Variants in RYR3 observed in about 807,000 individuals in gnomAD.
RYR3 encodes the protein ryanodine receptor 3.
In RYR3, 207 loss-of-function variants were observed where a neutral mutation model predicts 584.3. The ratio of observed to expected loss-of-function variants is 0.35; its 90% CI spans 0.32 to 0.40. The LOEUF (loss-of-function observed/expected upper bound fraction) is 0.40, where lower values mean the gene tolerates loss of function less well. RYR3 is among the 10% of genes least tolerant of loss of function. The pLI, the probability that RYR3 is intolerant of heterozygous loss-of-function variation, is 1.00. For synonymous variants in RYR3, 2,416 were observed against 2,248.5 expected (o/e 1.07, Z -2.11); for missense variants, 5,616 against 6,089.2 (o/e 0.92, Z 2.59).
In RYR3 at chr15:33,757,861, G is replaced by A. The variant is rs183630785; in HGVS notation, c.8705+265G>A. The A allele has an allele frequency of 1.5e-3, 700 of 465,106 alleles. 2 individuals carry two copies. Among genetic ancestry groups the A allele is most frequent in the African/African-American group, 0.013 (645 of 51,192 alleles). The allele number at this position is 465,106 out of a possible 1,614,324, so 28.8% of individuals were successfully genotyped here. A position where few individuals can be genotyped will look rare whatever the true frequency, so the allele number is the denominator to read the frequency against. On this transcript the variant is annotated intron_variant, in intron 60 of 103. Transcript: ENST00000634891. ...CATCGGGACAGAGATTAAGATGGCC[G>A]AATAGGAACAGCTCTGGTCTGTAGC...
At chr15:33,453,084 A>C (rs2047263756) in intron 1 of RYR3, among the ~76,000 whole-genome samples, 1 of 103,360 alleles carries the variant, frequency 9.7e-6, no homozygotes, top group Non-Finnish European at 2.2e-5. Context: ...TAGGGGCAGC[A>C]GCCTGAACTG....
At position 33,669,880 on chromosome 15, in the gene RYR3, GGTGTGTGTGT is replaced by G. The variant is rs71117160; in HGVS notation, c.5722+439_5722+448del. ...GGGGTGTGGGTGTGTGGGTGTGTGTGGTGTGTGTGTGTGTGTGTGTGTGTTTAGTAACTTC... is the reference window on the plus strand; with the variant it reads ...GGGGTGTGGGTGTGTGGGTGTGTGTGGTGTGTGTGTGTGTTTAGTAACTTC... On this transcript the variant is annotated intron_variant, in intron 37 of 103. Coordinates refer to ENST00000634891, the MANE Select transcript of RYR3 (RefSeq NM_001036.6). Among the ~76,000 whole-genome samples the G allele has an allele frequency of 2.9e-5, 3 of 103,448 alleles. No individual in the cohort carries two copies. In the South Asian group the frequency reaches 1.0e-3, roughly 34 times the overall value. The allele number at this position is 103,448 out of a possible 152,430, so 67.9% of individuals were successfully genotyped here.
intron 16 of RYR3, among the ~76,000 whole-genome samples, chr15:33,598,854 C>T (rs1487102306): frequency 6.6e-6 from 1 of 151,994 alleles, no homozygotes; most frequent in Non-Finnish European, 1.5e-5. Flanking sequence ...GAGATCGAGA[C>T]CATCCTGGCT....
At chr15:33,528,497 A>C (rs2054582594) in intron 3 of RYR3, among the ~76,000 whole-genome samples, 1 of 152,126 alleles carries the variant, frequency 6.6e-6, no homozygotes, top group Non-Finnish European at 1.5e-5. Flanking sequence ...GTCTATTTCA[A>C]TACTCTCTGC....
At chr15:33,641,363 G>A (rs999722144) in intron 27 of RYR3, among the ~76,000 whole-genome samples, 4 of 152,212 alleles carry the variant, frequency 2.6e-5, no homozygotes, top group African/African-American at 9.7e-5. Context: ...AGATGTATCT[G>A]TAGAGCACTA....
chr15:33,774,599 C>G (rs2073864585), intron 64 of RYR3, among the ~76,000 whole-genome samples: 1 of 152,056 alleles, frequency 6.6e-6, no homozygotes, highest in East Asian at 1.9e-4. Context: ...TACTAGAAAC[C>G]AAAAAATGTT....
At chr15:33,382,132 T>C (rs1415782859) in intron 1 of RYR3, among the ~76,000 whole-genome samples, 1 of 152,032 alleles carries the variant, frequency 6.6e-6, no homozygotes, top group Non-Finnish European at 1.5e-5. Context: ...TTTGGGGAAC[T>C]GCAAGAAGCT....
chr15:33,313,421 ATCC>A (rs1465449277), intron 1 of RYR3, among the ~76,000 whole-genome samples: 1 of 152,158 alleles, frequency 6.6e-6, no homozygotes, highest in Non-Finnish European at 1.5e-5. Flanking sequence ...TGAGCTTGGC[ATCC>A]TCCTTCTTCA....
At chr15:33,829,739 G>A (rs12902731) in intron 85 of RYR3, among the ~76,000 whole-genome samples, 23,610 of 141,400 alleles carry the variant, frequency 0.17, 1,972 homozygotes, top group Middle Eastern at 0.31. Context: ...GCAACAGAGC[G>A]AGACTCTGTC....
intron 38 of RYR3, among the ~76,000 whole-genome samples, chr15:33,672,889 C>G (rs1371816347): frequency 1.3e-5 from 2 of 152,140 alleles, no homozygotes; most frequent in South Asian, 2.1e-4. Flanking sequence ...AAGCAGGACT[C>G]AGAAGAATTA....
intron 12 of RYR3, among the ~76,000 whole-genome samples, chr15:33,568,031 A>G (rs1020861884): frequency 6.6e-6 from 1 of 152,184 alleles, no homozygotes; most frequent in African/African-American, 2.4e-5. Flanking sequence ...TGTAACATCA[A>G]CCTCAGTTGA....
intron 10 of RYR3, among the ~76,000 whole-genome samples, chr15:33,552,399 G>C (rs977990403): frequency 2.0e-5 from 3 of 152,122 alleles, no homozygotes; most frequent in African/African-American, 7.2e-5. Flanking sequence ...TCCACGTATG[G>C]AGAAGCAAGC....
chr15:33,550,146 T>C lies in RYR3; in HGVS notation c.816-14T>C. Reference sequence around the variant, plus strand: ...TTGTATAAATGCAATTTCTTGTCTGTTTCATCTGCCCAGCTGGAGTGGCAG... The same window carrying C: ...TTGTATAAATGCAATTTCTTGTCTGCTTCATCTGCCCAGCTGGAGTGGCAG... On this transcript the variant is annotated splice_polypyrimidine_tract_variant and intron_variant, in intron 9 of 103. Coordinates refer to ENST00000634891, the MANE Select transcript of RYR3 (RefSeq NM_001036.6). 6.2e-7 allele frequency: 1 copy of C among 1,607,316 alleles called. No homozygotes were observed. Among genetic ancestry groups the C allele is most frequent in the Non-Finnish European group, 8.5e-7 (1 of 1,177,988 alleles).
At chr15:33,676,884 C>T (rs2064216712) in intron 38 of RYR3, among the ~76,000 whole-genome samples, 1 of 152,168 alleles carries the variant, frequency 6.6e-6, no homozygotes, top group Non-Finnish European at 1.5e-5. Context: ...CATTGTCAGG[C>T]CCTCTCTTTT....
At chr15:33,569,477 A>G (rs2152495103) in intron 12 of RYR3, among the ~76,000 whole-genome samples, 1 of 152,282 alleles carries the variant, frequency 6.6e-6, no homozygotes, top group Admixed American at 6.5e-5. Context: ...AGTACCTCAT[A>G]TAAGTGGAAG....
chr15:33,470,027 G>T (rs78221304), intron 1 of RYR3, among the ~76,000 whole-genome samples: 2,980 of 152,222 alleles, frequency 0.02, 96 homozygotes, highest in African/African-American at 0.068. Context: ...AAAGCTAGAG[G>T]TGTCAGGTAG....
chr15:33,821,337 A>G lies in RYR3; in HGVS notation c.10883A>G (p.Glu3628Gly). 6.2e-7 allele frequency: 1 copy of G among 1,603,348 alleles called. No homozygotes were observed. The change falls in exon 79 of 104, where the codon GAG (glutamate) becomes GGG (glycine). Residue 3628 changes from glutamate (E) to glycine (G), a missense_variant. Physicochemically the swap from Glu to Gly is moderately conservative, Grantham distance 98 (BLOSUM62 -2). This residue lies in a region of RYR3 where 954 missense variants were observed against 1,132.2 expected (regional missense o/e 0.84). Coordinates refer to ENST00000634891, the MANE Select transcript of RYR3 (RefSeq NM_001036.6). Reference sequence around the variant, plus strand: ...CGGCTGCATGAGCGTGGTGCTGCAGAGATGGTCCTTCAGATGATAAGCGCT... The same window carrying G: ...CGGCTGCATGAGCGTGGTGCTGCAGGGATGGTCCTTCAGATGATAAGCGCT... Reference protein sequence around the residue: ...QARLHERGAAEMVLQMISASK... With the variant: ...QARLHERGAAGMVLQMISASK...
chr15:33,785,819 G>C lies in RYR3; in HGVS notation c.9426G>C (p.Leu3142Phe). 3 of 1,613,958 alleles carry C rather than the reference G, an allele frequency of 1.9e-6. No individual in the cohort carries two copies. Among genetic ancestry groups the C allele is most frequent in the Non-Finnish European group, 2.5e-6 (3 of 1,179,892 alleles). Residue 3142 changes from leucine to phenylalanine, a missense_variant, in exon 66 of 104, where the codon TTG becomes TTC. Physicochemically the swap from Leu to Phe is conservative, Grantham distance 22. Transcript: ENST00000634891. Reference protein sequence around the residue: ...EVILPMLCNYLSYWWERGPEN... With the variant: ...EVILPMLCNYFSYWWERGPEN... ...TCTTACCCATGCTCTGCAACTACTTGTCCTACTGGTGGGAGCGGGGTCCTG... is the reference window on the plus strand; with the variant it reads ...TCTTACCCATGCTCTGCAACTACTTCTCCTACTGGTGGGAGCGGGGTCCTG...
chr15:33,373,332 T>C (rs1422557991), intron 1 of RYR3, among the ~76,000 whole-genome samples: 1 of 152,248 alleles, frequency 6.6e-6, no homozygotes, highest in African/African-American at 2.4e-5. Context: ...GTGATGTATT[T>C]ATTCCTAATT....
Sources: allele counts gnomAD v4.1 joint callset (sites outside exome capture counted in the v4.1 genomes callset), GRCh38; gene constraint gnomAD v4.1.1; regional missense constraint gnomAD v4.1.1; transcripts MANE v1.5; gene names NCBI Gene and HGNC (gene_info 2026-07-23, HGNC 2026-07-21).